Variants in MID2 observed in about 807,000 individuals in gnomAD.
MID2 encodes the protein midline 2, also known as probable E3 ubiquitin-protein ligase MID2.
MID2 carries 13 observed loss-of-function variants against 46.1 expected under a neutral mutation model. That is an observed-to-expected ratio of 0.28 (90% CI 0.18 to 0.45). MID2 has a LOEUF of 0.45. Among genes scored for constraint, MID2 ranks in the 20% least tolerant of loss-of-function variants. MID2 has a pLI of 1.00. For missense variants in MID2, 431 were observed against 575.4 expected, an observed-to-expected ratio of 0.75 and a Z score of 2.57; for synonymous variants, 199 against 212.3, an observed-to-expected ratio of 0.94 and a Z score of 0.55.
At chrX:107,856,373 T>C (rs868171261) in intron 3 of MID2, among the ~76,000 whole-genome samples, 52 of 112,066 alleles carry the variant, frequency 4.6e-4, no homozygotes, top group African/African-American at 1.7e-3. Flanking sequence ...ATTTGCATGA[T>C]TGAATATAGA....
intron 7 of MID2, among the ~76,000 whole-genome samples, chrX:107,924,097 C>A (rs1349173116): frequency 8.9e-6 from 1 of 112,238 alleles, no homozygotes; most frequent in African/African-American, 3.2e-5. Context: ...ATTGAAATAA[C>A]CTAACTTATG....
rs1411388630 is a variant in MID2, at chrX:107,826,205, C to G, written c.-222C>G. The G allele has an allele frequency of 9.6e-6, 3 of 313,992 alleles. No homozygotes were observed. Among genetic ancestry groups the G allele is most frequent in the East Asian group, 1.0e-4 (2 of 20,004 alleles). 25.9% of individuals were successfully genotyped at this position (313,992 alleles called of 1,213,427 possible). On this transcript the variant is annotated 5_prime_UTR_variant, in exon 1 of 10. Coordinates refer to ENST00000262843, the MANE Select transcript of MID2 (RefSeq NM_012216.4). ...GTAGCATCGCGGCCGCCGTGCTGTC[C>G]CCTGCGGGGCGCGCGGGCTGGCGGA...
At chrX:107,885,911 A>C (rs1409236598) in intron 3 of MID2, among the ~76,000 whole-genome samples, 12 of 111,978 alleles carry the variant, frequency 1.1e-4, no homozygotes, top group African/African-American at 3.9e-4. Context: ...TTGGCTGCAT[A>C]AATGTCTTCT....
At chrX:107,915,259 T>A (rs1016143464) in intron 5 of MID2, among the ~76,000 whole-genome samples, 9 of 112,017 alleles carry the variant, frequency 8.0e-5, no homozygotes, top group East Asian at 2.8e-4. Flanking sequence ...ATATAAATAT[T>A]ATAAAAGATC....
At chrX:107,896,421 A>T (rs1252912190) in intron 3 of MID2, 1 of 112,570 alleles carries the variant, frequency 8.9e-6, no homozygotes, top group Non-Finnish European at 1.9e-5. Flanking sequence ...GGAGACAGTA[A>T]CTAAGCCTAA....
intron 3 of MID2, among the ~76,000 whole-genome samples, chrX:107,869,912 T>C (rs1312991603): frequency 9.0e-6 from 1 of 111,475 alleles, no homozygotes; most frequent in Non-Finnish European, 1.9e-5. Context: ...TTATTTCATG[T>C]TCTAACTTTC....
At chrX:107,854,103 C>T (rs1369015896) in intron 2 of MID2, among the ~76,000 whole-genome samples, 1 of 111,819 alleles carries the variant, frequency 8.9e-6, no homozygotes, top group Non-Finnish European at 1.9e-5. Context: ...GTTCAGTATG[C>T]TTCTTGACTT....
intron 2 of MID2, among the ~76,000 whole-genome samples, chrX:107,842,473 C>T (rs774733561): frequency 8.9e-5 from 10 of 111,895 alleles, no homozygotes; most frequent in Non-Finnish European, 1.9e-4. Flanking sequence ...AAGAAAGACC[C>T]AGATAGGATA....
chrX:107,891,753 G>A (rs1418679662), intron 3 of MID2, among the ~76,000 whole-genome samples: 1 of 112,089 alleles, frequency 8.9e-6, no homozygotes, highest in Non-Finnish European at 1.9e-5. Flanking sequence ...TCCCTCTGAT[G>A]CTTACAAACA....
At chrX:107,845,524 C>T (rs1362998886) in intron 2 of MID2, among the ~76,000 whole-genome samples, 1 of 96,474 alleles carries the variant, frequency 1.0e-5, no homozygotes. Flanking sequence ...CACACACACA[C>T]ACTCTCTCTC....
intron 3 of MID2, among the ~76,000 whole-genome samples, chrX:107,864,762 A>C (rs1289335374): frequency 8.9e-6 from 1 of 112,091 alleles, no homozygotes; most frequent in African/African-American, 3.2e-5. Context: ...ATGCATTGCT[A>C]TTATTAATGG....
chrX:107,911,975 T>C (rs768223156), intron 5 of MID2, among the ~76,000 whole-genome samples: 2 of 111,688 alleles, frequency 1.8e-5, no homozygotes, highest in South Asian at 7.6e-4. Flanking sequence ...ATGTCAAAGA[T>C]CAGCAGAAAG....
In MID2 at chrX:107,917,584, A is replaced by T. The variant is rs760542806; in HGVS notation, c.1280A>T (p.Asp427Val). 1.7e-6 allele frequency: 2 copies of T among 1,209,299 alleles called. No individual in the cohort carries two copies. The highest frequency in any genetic ancestry group is 2.2e-6 in the Non-Finnish European group (2 of 894,780). Residue 427 changes from aspartate (D) to valine (V), a missense_variant, in exon 7 of 10, where the codon GAT becomes GTT. By Grantham distance (152) the Asp-to-Val change is radical. Coordinates refer to ENST00000262843, the MANE Select transcript of MID2 (RefSeq NM_012216.4). ...ATTACAGTCCACTGGATCTCGGATG[A>T]TGAGTTCAGCATCAGCTCCTATGAG... ...DTITVHWISD[D>V]EFSISSYELQ...
At chrX:107,828,310 C>CTTTTTTTTTT (rs766362742) in intron 1 of MID2, among the ~76,000 whole-genome samples, 14 of 83,015 alleles carry the variant, frequency 1.7e-4, no homozygotes, top group African/African-American at 4.9e-4. Flanking sequence ...TCTTTCTTTT[C>CTTTTTTTTTT]TTTTTTTTTT....
At chrX:107,907,738 A>T (rs1406218741) in intron 5 of MID2, among the ~76,000 whole-genome samples, 1 of 111,705 alleles carries the variant, frequency 9.0e-6, no homozygotes, top group Admixed American at 9.5e-5. Flanking sequence ...TTCACCCCTA[A>T]TTTACTCTTC....
At chrX:107,887,184 G>T (rs1932472873) in intron 3 of MID2, among the ~76,000 whole-genome samples, 1 of 111,691 alleles carries the variant, frequency 9.0e-6, no homozygotes, top group African/African-American at 3.3e-5. Flanking sequence ...GTGAGAGAGG[G>T]CATCCCTGTC....
intron 1 of MID2, among the ~76,000 whole-genome samples, chrX:107,829,780 TG>T (rs1367905820): frequency 2.7e-5 from 3 of 111,751 alleles, no homozygotes; most frequent in Non-Finnish European, 3.8e-5. Context: ...CCCTCTTATT[TG>T]TTTTCATGAC....
rs757700808 is a variant in MID2 at position 107,847,870 on chromosome X, C to T, written c.720+6485C>T. On this transcript the variant is annotated intron_variant, in intron 2 of 9. Coordinates refer to ENST00000262843, the MANE Select transcript of MID2 (RefSeq NM_012216.4). The stretch of plus-strand genomic sequence containing the variant: ...TGGAAGAACAGGGGCTGTTACAGAA[C>T]ATAGGAGGAATAGCAAGATAGAATT... Among the ~76,000 whole-genome samples, 110 of 110,983 alleles carry T rather than the reference C, an allele frequency of 9.9e-4. 1 individual carries two copies. Among genetic ancestry groups the T allele is most frequent in the African/African-American group, 2.9e-3 (88 of 30,525 alleles).
At chrX:107,873,888 G>C (rs1360492347) in intron 3 of MID2, among the ~76,000 whole-genome samples, 1 of 111,892 alleles carries the variant, frequency 8.9e-6, no homozygotes, top group African/African-American at 3.2e-5. Flanking sequence ...ATAGTGGCAT[G>C]GGCACAGAGG....
Sources: allele counts gnomAD v4.1 joint callset (sites outside exome capture counted in the v4.1 genomes callset), GRCh38; gene constraint gnomAD v4.1.1; transcripts MANE v1.5; gene names NCBI Gene and HGNC (gene_info 2026-07-23, HGNC 2026-07-21).